Variants in TXNDC8 observed in about 807,000 individuals in gnomAD.
TXNDC8 encodes thioredoxin domain containing 8, also known as thioredoxin domain-containing protein 8.
In TXNDC8, 15 loss-of-function variants were observed where a neutral mutation model predicts 12.9. That is an observed-to-expected ratio of 1.16 (90% CI 0.78 to 1.79). The LOEUF (loss-of-function observed/expected upper bound fraction) is 1.79, where lower values mean the gene tolerates loss of function less well. TXNDC8 is among the 40% of genes most tolerant of loss of function. TXNDC8 has a pLI of 0.00. For synonymous variants in TXNDC8, 40 were observed against 35.4 expected (o/e 1.13, Z -0.46); for missense variants, 128 against 113.2 (o/e 1.13, Z -0.59).
intron 3 of TXNDC8, chr9:110,323,621 C>T (rs1482859076): frequency 3.2e-6 from 1 of 314,534 alleles, no homozygotes; most frequent in East Asian, 7.3e-5. Context: ...ATATGTTCAT[C>T]AGAATTTTTT....
At chr9:110,311,971 C>T (rs943985982) in intron 3 of TXNDC8, among the ~76,000 whole-genome samples, 1 of 150,632 alleles carries the variant, frequency 6.6e-6, no homozygotes, top group Non-Finnish European at 1.5e-5. Context: ...TTGCCGCAAC[C>T]TCCACCTCCC....
At chr9:110,309,306 C>A (rs1208740639) in intron 3 of TXNDC8, among the ~76,000 whole-genome samples, 1 of 152,056 alleles carries the variant, frequency 6.6e-6, no homozygotes, top group Non-Finnish European at 1.5e-5. Context: ...AGCAGCCCTA[C>A]AGGAAAATCC....
intron 3 of TXNDC8, among the ~76,000 whole-genome samples, chr9:110,319,221 A>G (rs1003352832): frequency 1.3e-5 from 2 of 152,220 alleles, no homozygotes; most frequent in African/African-American, 2.4e-5. Context: ...GTGTAACACA[A>G]TCCTTGACAG....
chr9:110,333,377 C>A (rs899362567), intron 2 of TXNDC8, among the ~76,000 whole-genome samples: 1 of 152,122 alleles, frequency 6.6e-6, no homozygotes, highest in East Asian at 1.9e-4. Flanking sequence ...TGATCTGAGG[C>A]GGAACAGTTT....
At chr9:110,337,599 C>G (rs533113325) in intron 1 of TXNDC8, among the ~76,000 whole-genome samples, 174 bp downstream of exon 1, 2 of 152,300 alleles carry the variant, frequency 1.3e-5, no homozygotes, top group South Asian at 4.1e-4. Flanking sequence ...GGCTGCTTTT[C>G]TTGATAGTAC....
intron 3 of TXNDC8, chr9:110,323,106 CA>C (rs1839174342): frequency 9.1e-6 from 9 of 985,266 alleles, no homozygotes; most frequent in Non-Finnish European, 1.1e-5. Context: ...GGATGCCATA[CA>C]GGGAGCTGTG....
rs139596702 is a variant in TXNDC8 at position 110,335,242 on chromosome 9, A to G, written c.25-922T>C. Among the ~76,000 whole-genome samples, 13 of 152,028 alleles carry G rather than the reference A, an allele frequency of 8.6e-5. No homozygotes were observed. In the East Asian group the frequency reaches 2.5e-3, roughly 29 times the overall value. On this transcript the variant is annotated intron_variant, in intron 1 of 4. Coordinates refer to ENST00000423740, the MANE Select transcript of TXNDC8 (RefSeq NM_001286946.2). ...GTTTTCTTTATTTTTATTTTAATTTAATTTTATTTTTTGGTGACAGGGTCT... is the reference window on the plus strand; with the variant it reads ...GTTTTCTTTATTTTTATTTTAATTTGATTTTATTTTTTGGTGACAGGGTCT...
downstream of TXNDC8, among the ~76,000 whole-genome samples, chr9:110,302,423 A>G (rs1329490284): frequency 2.6e-5 from 4 of 152,228 alleles, no homozygotes; most frequent in Non-Finnish European, 5.9e-5. Context: ...GGCGTGAGCC[A>G]CTATGCTCTG....
rs554954556 is a variant in TXNDC8, at chr9:110,303,606, G to A, written c.*76C>T. 17 of 1,564,642 alleles carry A rather than the reference G, an allele frequency of 1.1e-5. No individual in the cohort carries two copies. In the South Asian group the frequency reaches 1.7e-4, roughly 16 times the overall value. The stretch of plus-strand genomic sequence containing the variant: ...AATCTGTTCACAAATGCACAAAGGT[G>A]AAACATTTATTGATTCAAGTGCTGC... On this transcript the variant is annotated 3_prime_UTR_variant, in exon 5 of 5. Transcript: ENST00000423740.
chr9:110,303,437 C>A, downstream of TXNDC8: 1 of 1,424,710 alleles, frequency 7.0e-7, no homozygotes, highest in Non-Finnish European at 9.4e-7. Context: ...TGGAACACTA[C>A]AGTATTTGCT....
chr9:110,311,634 CT>C (rs1838682448), intron 3 of TXNDC8, among the ~76,000 whole-genome samples: 1 of 123,268 alleles, frequency 8.1e-6, no homozygotes, highest in African/African-American at 3.2e-5. Flanking sequence ...ATATATATAT[CT>C]CCATACTATA....
chr9:110,307,786 C>T (rs919284342), intron 3 of TXNDC8, among the ~76,000 whole-genome samples: 12 of 152,204 alleles, frequency 7.9e-5, no homozygotes, highest in Admixed American at 6.5e-4. Context: ...GCCCCCTCCC[C>T]GCTTCAAGTT....
In TXNDC8 at chr9:110,303,483, T is replaced by G; in HGVS notation, c.*199A>C. 6.6e-7 allele frequency: 1 copy of G among 1,513,256 alleles called. No homozygotes were observed. Among genetic ancestry groups the G allele is most frequent in the Non-Finnish European group, 8.9e-7 (1 of 1,122,688 alleles). 93.7% of individuals were successfully genotyped at this position (1,513,256 alleles called of 1,614,324 possible). On this transcript the variant is annotated 3_prime_UTR_variant, in exon 5 of 5. Coordinates refer to ENST00000423740, the MANE Select transcript of TXNDC8 (RefSeq NM_001286946.2). ...GCACAAACACATTTGCTCTTGCCTT[T>G]TCAAATGTCACAAGTGTATTTTGCC...
At chr9:110,318,465 G>A (rs893968017) in intron 3 of TXNDC8, among the ~76,000 whole-genome samples, 3 of 152,128 alleles carry the variant, frequency 2.0e-5, no homozygotes, top group African/African-American at 4.8e-5. Context: ...GGCCAGGCGC[G>A]GTTGCTCACG....
chr9:110,310,192 T>C (rs1838610774), intron 3 of TXNDC8, among the ~76,000 whole-genome samples: 1 of 121,942 alleles, frequency 8.2e-6, no homozygotes, highest in Non-Finnish European at 1.7e-5. Flanking sequence ...TATAGGATCT[T>C]TGTGTGTGGT....
At chr9:110,313,837 C>G (rs148924528) in intron 3 of TXNDC8, among the ~76,000 whole-genome samples, 117 of 152,290 alleles carry the variant, frequency 7.7e-4, no homozygotes, top group African/African-American at 2.7e-3. Flanking sequence ...TGAGGCTTCA[C>G]AAGCTGCTAA....
At chr9:110,313,296 T>C (rs956287308) in intron 3 of TXNDC8, among the ~76,000 whole-genome samples, 3 of 152,236 alleles carry the variant, frequency 2.0e-5, no homozygotes, top group African/African-American at 7.2e-5. Flanking sequence ...AAGCTGTGCT[T>C]TTTTAAAGCC....
At chr9:110,323,444 T>C (rs909328617) in intron 3 of TXNDC8, 33 of 611,274 alleles carry the variant, frequency 5.4e-5, no homozygotes, top group Middle Eastern at 1.7e-3. Flanking sequence ...AATGGCTATT[T>C]AAATTAGGTG....
downstream of TXNDC8, among the ~76,000 whole-genome samples, chr9:110,301,659 C>G (rs1838272799): frequency 6.6e-6 from 1 of 152,102 alleles, no homozygotes; most frequent in Non-Finnish European, 1.5e-5. Flanking sequence ...TTGGCAGGGA[C>G]TACTTTCCAG....
Sources: gnomAD v4.1 joint callset for allele counts (sites outside exome capture counted in the v4.1 genomes callset) on GRCh38, gnomAD v4.1.1 for gene constraint, MANE v1.5 for transcripts, NCBI Gene and HGNC (gene_info 2026-07-23, HGNC 2026-07-21) for gene names.